BCR: variants seen among roughly 807,000 people sequenced by gnomAD.
BCR encodes BCR activator of RhoGEF and GTPase.
Under a neutral mutation model 138.6 loss-of-function variants are expected in BCR, and 58 were observed. The observed-to-expected ratio is 0.42, with a 90% CI of 0.34 to 0.52. The LOEUF (loss-of-function observed/expected upper bound fraction) is 0.52. Among genes scored for constraint, BCR ranks in the 20% least tolerant of loss-of-function variants. BCR has a pLI of 0.06. For synonymous variants in BCR, 786 were observed against 730.1 expected (o/e 1.08, Z -1.23); for missense variants, 1,599 against 1,727.2 (o/e 0.93, Z 1.32).
intron 2 of BCR, 158 bp from the exon 3 acceptor site, chr22:23,260,792 C>T (rs1034104852): frequency 7.3e-6 from 5 of 686,962 alleles, no homozygotes; most frequent in Non-Finnish European, 1.3e-5. Context: ...TTAGTATGTG[C>T]GGAGGGTCCC....
At chr22:23,228,236 C>T (rs2072915705) in intron 1 of BCR, among the ~76,000 whole-genome samples, 1 of 152,130 alleles carries the variant, frequency 6.6e-6, no homozygotes, top group South Asian at 2.1e-4. Flanking sequence ...TGTAAATTTG[C>T]CTCCAAGCAC....
chr22:23,198,500 C>T, intron 1 of BCR: 1 of 274,446 alleles, frequency 3.6e-6, no homozygotes, highest in Non-Finnish European at 7.3e-6. Context: ...AGTCCATGGG[C>T]CTGACATGTT....
intron 4 of BCR, among the ~76,000 whole-genome samples, chr22:23,266,237 C>T (rs778568417): frequency 6.6e-6 from 1 of 152,064 alleles, no homozygotes; most frequent in Non-Finnish European, 1.5e-5. Flanking sequence ...AGGCACGTGC[C>T]ACCATGCCCA....
intron 1 of BCR, among the ~76,000 whole-genome samples, chr22:23,195,080 C>T (rs370672681): frequency 6.6e-6 from 1 of 151,970 alleles, no homozygotes; most frequent in East Asian, 1.9e-4. Context: ...AGTTCAAGAC[C>T]AGCCTGGCCA....
At chr22:23,292,676 TG>T in intron 15 of BCR, 38 bp downstream of exon 15, 1 of 1,533,168 alleles carries the variant, frequency 6.5e-7, no homozygotes, top group Non-Finnish European at 9.0e-7. Flanking sequence ...GCCTGCCAGG[TG>T]GGGCACAGGA....
intron 1 of BCR, among the ~76,000 whole-genome samples, chr22:23,225,191 CTT>C (rs34267356): frequency 2.9e-4 from 41 of 142,796 alleles, no homozygotes; most frequent in East Asian, 1.8e-3. Context: ...GTCTGTGGTG[CTT>C]TTTTTTTTTT....
At position 23,253,881 on chromosome 22, in the gene BCR, C is replaced by A. The variant is rs772886566; in HGVS notation, c.1362C>A (p.Pro454=). The change falls in exon 2 of 23, where the codon CCC becomes CCA. Residue 454 remains proline (P), a synonymous_variant. Transcript: ENST00000305877. ...AGCGCCGGCACCAAGATGGGCTGCC[C>A]TACATTGATGACTCGCCCTCCTCAT... ...EEQRRHQDGL[P]YIDDSPSSSP... 6.2e-6 allele frequency: 10 copies of A among 1,613,216 alleles called. No individual in the cohort carries two copies. The East Asian group carries it at 2.0e-4, about 32-fold the overall frequency.
At chr22:23,299,304 C>T (rs1037465158) in intron 16 of BCR, among the ~76,000 whole-genome samples, 21 of 152,322 alleles carry the variant, frequency 1.4e-4, no homozygotes, top group Non-Finnish European at 2.4e-4. Flanking sequence ...TTAGGGGCTA[C>T]GTAAGTTTCT....
chr22:23,300,121 A>C (rs1175577948), intron 16 of BCR, among the ~76,000 whole-genome samples: 9 of 152,170 alleles, frequency 5.9e-5, no homozygotes, highest in Non-Finnish European at 1.2e-4. Flanking sequence ...CATCATCTCC[A>C]GAACTTTTTT....
chr22:23,269,994 C>A (rs2073491968), intron 5 of BCR, among the ~76,000 whole-genome samples: 1 of 152,010 alleles, frequency 6.6e-6, no homozygotes, highest in African/African-American at 2.4e-5. Context: ...GGACCAGCTG[C>A]AAACCGACCC....
chr22:23,199,729 C>G (rs1344134805), intron 1 of BCR, among the ~76,000 whole-genome samples: 1 of 151,574 alleles, frequency 6.6e-6, no homozygotes, highest in African/African-American at 2.4e-5. Context: ...TCTCCTTTCT[C>G]CCTGCTTTCA....
intron 4 of BCR, chr22:23,262,662 A>G (rs2073375549): frequency 1.8e-6 from 1 of 556,630 alleles, no homozygotes; most frequent in Non-Finnish European, 2.3e-6. Flanking sequence ...TTGGGCAGCC[A>G]GGGCCGCTGG....
intron 4 of BCR, chr22:23,263,594 CTGG>C: frequency 6.5e-7 from 1 of 1,538,702 alleles, no homozygotes; most frequent in Non-Finnish European, 9.0e-7. Context: ...TGGGAGTCTG[CTGG>C]GCATGATGAG....
intron 4 of BCR, chr22:23,263,794 A>G (rs2073401833): frequency 1.4e-6 from 2 of 1,379,658 alleles, no homozygotes; most frequent in Admixed American, 1.7e-5. Flanking sequence ...AGGACGGCCA[A>G]GGTGTGGCCT....
chr22:23,219,825 A>G (rs1311446861), intron 1 of BCR, among the ~76,000 whole-genome samples: 1 of 151,784 alleles, frequency 6.6e-6, no homozygotes, highest in East Asian at 1.9e-4. Context: ...ATCCCACCCC[A>G]TGTAGTTCTC....
intron 1 of BCR, among the ~76,000 whole-genome samples, chr22:23,233,472 G>A (rs2072981822): frequency 6.6e-6 from 1 of 152,170 alleles, no homozygotes; most frequent in Non-Finnish European, 1.5e-5. Flanking sequence ...CGTGGTGCAC[G>A]CCTGGCCCTG....
At chr22:23,285,764 G>A (rs1170527532) in intron 10 of BCR, among the ~76,000 whole-genome samples, 1 of 152,240 alleles carries the variant, frequency 6.6e-6, no homozygotes, top group Non-Finnish European at 1.5e-5. Flanking sequence ...GGTGCCATGA[G>A]TAGGGAGGGC....
intron 1 of BCR, among the ~76,000 whole-genome samples, chr22:23,197,612 A>G (rs746290384): frequency 6.6e-6 from 1 of 152,054 alleles, no homozygotes. Context: ...AAGGTGAGGG[A>G]TAGGAGAGTT....
At chr22:23,259,337 C>T (rs943710572) in intron 2 of BCR, among the ~76,000 whole-genome samples, 2 of 152,134 alleles carry the variant, frequency 1.3e-5, no homozygotes, top group African/African-American at 4.8e-5. Context: ...ATGTTCCCTC[C>T]ATTTGAGTCT....
Sources: allele counts gnomAD v4.1 joint callset (sites outside exome capture counted in the v4.1 genomes callset), GRCh38; gene constraint gnomAD v4.1.1; transcripts MANE v1.5; gene names NCBI Gene and HGNC (gene_info 2026-07-23, HGNC 2026-07-21).